Variants in PCDH7 observed in about 807,000 individuals in gnomAD.
PCDH7 encodes the protein protocadherin-7.
In PCDH7, 17 loss-of-function variants were observed where a neutral mutation model predicts 58.9. That is an observed-to-expected ratio of 0.29 (90% CI 0.20 to 0.43). The LOEUF (loss-of-function observed/expected upper bound fraction) is 0.43. PCDH7 is among the 20% of genes least tolerant of loss of function. PCDH7 has a pLI of 1.00. For missense variants in PCDH7, 1,274 were observed against 1,441.0 expected, an observed-to-expected ratio of 0.88 and a Z score of 1.88; for synonymous variants, 664 against 616.4, an observed-to-expected ratio of 1.08 and a Z score of -1.14.
intron 2 of PCDH7, among the ~76,000 whole-genome samples, chr4:30,938,500 A>G (rs1745627495): frequency 1.3e-5 from 2 of 151,882 alleles, no homozygotes; most frequent in East Asian, 1.9e-4. Context: ...ACACACACAC[A>G]CACACGCACA....
chr4:30,914,043 A>G (rs894181981), intron 1 of PCDH7, among the ~76,000 whole-genome samples: 7 of 152,160 alleles, frequency 4.6e-5, no homozygotes, highest in African/African-American at 1.7e-4. Flanking sequence ...AAAGGCCACC[A>G]TGTTCAGGCC....
intron 2 of PCDH7, among the ~76,000 whole-genome samples, chr4:30,926,185 A>T (rs572909493): frequency 1.2e-3 from 130 of 105,684 alleles, no homozygotes; most frequent in African/African-American, 4.8e-3. Context: ...TATTAACTTT[A>T]GGTCGTTTTT....
At chr4:31,110,644 G>A (rs776675928) in intron 3 of PCDH7, among the ~76,000 whole-genome samples, 1 of 152,080 alleles carries the variant, frequency 6.6e-6, no homozygotes, top group Non-Finnish European at 1.5e-5. Flanking sequence ...GGCCGGGCGC[G>A]GTGGCTCACG....
chr4:30,732,875 A>C (rs1715719526), exon 2 of PCDH7: 1 of 152,246 alleles, frequency 6.6e-6, no homozygotes, highest in African/African-American at 2.4e-5. Context: ...GATCAACAGC[A>C]TACTGATTAC....
chr4:31,045,200 T>G (rs1246729569), intron 3 of PCDH7, among the ~76,000 whole-genome samples: 1 of 152,084 alleles, frequency 6.6e-6, no homozygotes, highest in Non-Finnish European at 1.5e-5. Context: ...CTTGCTTTCT[T>G]AACTTCTGGT....
intron 1 of PCDH7, among the ~76,000 whole-genome samples, chr4:30,796,911 G>C (rs1231684855): frequency 6.6e-6 from 1 of 151,658 alleles, no homozygotes. Context: ...AATCCTACCT[G>C]CCGTTTTCTT....
chr4:31,102,012 C>A (rs189751376), intron 3 of PCDH7, among the ~76,000 whole-genome samples: 10 of 152,266 alleles, frequency 6.6e-5, no homozygotes, highest in African/African-American at 2.4e-4. Context: ...CCATGTGGAG[C>A]ATTTCTCAAG....
At chr4:30,941,387 T>C (rs34067925) in intron 2 of PCDH7, among the ~76,000 whole-genome samples, 73,087 of 151,654 alleles carry the variant, frequency 0.48, 17,835 homozygotes, top group African/African-American at 0.56. Context: ...CTCAAAATGG[T>C]TTTGTATAGC....
chr4:30,728,111 G>A lies in PCDH7; in HGVS notation c.3175-2642G>A, dbSNP rs191921668. On this transcript the variant is annotated intron_variant, in intron 1 of 1. Coordinates refer to ENST00000361762, the Ensembl canonical transcript of PCDH7. ...CTTCATAATGTTCTCTTTAGTGATC[G>A]AATTATGTTCAATATATTCATTGTA... 7.3e-4 allele frequency among the ~76,000 whole-genome samples: 110 copies of A among 151,642 alleles called. 1 individual carries two copies. The highest frequency in any genetic ancestry group is 1.4e-3 in the Non-Finnish European group (98 of 67,692).
intron 1 of PCDH7, among the ~76,000 whole-genome samples, chr4:30,888,241 C>T (rs1738113654): frequency 6.6e-6 from 1 of 151,902 alleles, no homozygotes; most frequent in Admixed American, 6.6e-5. Flanking sequence ...AAAGCATGAC[C>T]ATACTTTAGG....
chr4:31,067,322 C>T (rs1018195295), intron 3 of PCDH7, among the ~76,000 whole-genome samples: 5 of 140,072 alleles, frequency 3.6e-5, no homozygotes, highest in Non-Finnish European at 7.5e-5. Context: ...TATTTCAGTT[C>T]GGAATGGATA....
intron 3 of PCDH7, among the ~76,000 whole-genome samples, chr4:31,070,022 G>C (rs1758421600): frequency 1.3e-5 from 2 of 151,874 alleles, no homozygotes; most frequent in Non-Finnish European, 2.9e-5. Context: ...AACTGAGAAG[G>C]TAACTTGTCT....
chr4:31,084,814 G>A (rs1228905044), intron 3 of PCDH7, among the ~76,000 whole-genome samples: 1 of 148,912 alleles, frequency 6.7e-6, no homozygotes, highest in Non-Finnish European at 1.5e-5. Context: ...TAGAGGAGAG[G>A]CACCACATAC....
At chr4:30,793,283 A>G (rs1577828795) in intron 1 of PCDH7, among the ~76,000 whole-genome samples, 1 of 152,184 alleles carries the variant, frequency 6.6e-6, no homozygotes, top group East Asian at 1.9e-4. Context: ...GAAATACAAT[A>G]TGTATCTTGC....
intron 1 of PCDH7, among the ~76,000 whole-genome samples, chr4:30,778,912 A>G (rs1391556887): frequency 6.6e-6 from 1 of 151,824 alleles, no homozygotes; most frequent in Non-Finnish European, 1.5e-5. Flanking sequence ...TGTTATATTG[A>G]ACATGTCCTG....
At chr4:30,848,675 A>G (rs1366890686) in intron 1 of PCDH7, among the ~76,000 whole-genome samples, 1 of 152,134 alleles carries the variant, frequency 6.6e-6, no homozygotes, top group East Asian at 1.9e-4. Context: ...TTCAGTTTGT[A>G]TTCCAACAGT....
At chr4:31,134,687 A>G (rs1342103883) in intron 3 of PCDH7, among the ~76,000 whole-genome samples, 1 of 152,122 alleles carries the variant, frequency 6.6e-6, no homozygotes, top group Non-Finnish European at 1.5e-5. Context: ...ATTTCTGTGG[A>G]TTGACTACAT....
At chr4:30,789,465 CTT>C (rs140368716) in intron 1 of PCDH7, among the ~76,000 whole-genome samples, 2,001 of 152,282 alleles carry the variant, frequency 0.013, 47 homozygotes, top group African/African-American at 0.046. Context: ...AGTCTTGTGA[CTT>C]TTAATTTCAC....
At chr4:30,938,346 A>C (rs1745603466) in intron 2 of PCDH7, among the ~76,000 whole-genome samples, 1 of 152,122 alleles carries the variant, frequency 6.6e-6, no homozygotes, top group Admixed American at 6.6e-5. Flanking sequence ...ATTTCTAAAC[A>C]AATTTTAGGA....
Sources: gnomAD v4.1 joint callset for allele counts (sites outside exome capture counted in the v4.1 genomes callset) on GRCh38, gnomAD v4.1.1 for gene constraint, MANE v1.5 for transcripts, NCBI Gene and HGNC (gene_info 2026-07-23, HGNC 2026-07-21) for gene names.